The following MLLT3 variants were observed in gnomAD, a reference collection of about 807,000 sequenced individuals.
MLLT3 encodes the protein MLLT3 super elongation complex subunit, also known as protein AF-9.
A neutral mutation model predicts 53.2 loss-of-function variants in MLLT3; 4 were observed. The ratio of observed to expected loss-of-function variants is 0.08; its 90% CI spans 0.04 to 0.17. The LOEUF (loss-of-function observed/expected upper bound fraction) is 0.17. MLLT3 is among the 10% of genes least tolerant of loss of function. The pLI, the probability that MLLT3 is intolerant of heterozygous loss-of-function variation, is 1.00. For synonymous variants in MLLT3, 283 were observed against 230.6 expected, an observed-to-expected ratio of 1.23 and a Z score of -2.06; for missense variants, 569 against 684.0, an observed-to-expected ratio of 0.83 and a Z score of 1.87.
At chr9:20,592,962 G>C (rs548697602) in intron 2 of MLLT3, among the ~76,000 whole-genome samples, 5 of 152,256 alleles carry the variant, frequency 3.3e-5, no homozygotes, top group South Asian at 2.1e-4. Flanking sequence ...GAGAAGGCAA[G>C]GGCAGGTGGA....
At position 20,620,597 on chromosome 9, in the gene MLLT3, C is replaced by A; in HGVS notation, c.193+57G>T. 6.5e-7 allele frequency: 1 copy of A among 1,530,078 alleles called. No individual in the cohort carries two copies. The highest frequency in any genetic ancestry group is 1.8e-5 in the Admixed American group (1 of 55,820). 94.8% of individuals were successfully genotyped at this position (1,530,078 alleles called of 1,614,324 possible). On this transcript the variant is annotated intron_variant, in intron 2 of 10. Transcript: ENST00000380338. The surrounding 1 kb of genome is among the most constrained non-coding windows in gnomAD (Gnocchi z 6.1). ...GAGCGGGACAGCGGGACCGCCCGGG[C>A]CAAGCGATTGTTTCAAAGACATTTT... is the stretch of plus-strand genomic sequence containing the variant.
Position 20,436,337 on chromosome 9 carries a change from G to A in MLLT3, c.420+11786C>T, listed in dbSNP as rs191752462. Among the ~76,000 whole-genome samples, 15 of 152,234 alleles carry A rather than the reference G, an allele frequency of 9.9e-5. No individual in the cohort carries two copies. In the East Asian group the frequency reaches 1.7e-3, roughly 18 times the overall value. On this transcript the variant is annotated intron_variant, in intron 4 of 10. Coordinates refer to ENST00000380338, the MANE Select transcript of MLLT3 (RefSeq NM_004529.4). The stretch of plus-strand genomic sequence containing the variant: ...GTTGATGCTGGCTTTAAAAAGTTTA[G>A]GGGAAAGGGATTTCTAATTATCATA...
intron 2 of MLLT3, among the ~76,000 whole-genome samples, chr9:20,541,345 C>T (rs1411666908): frequency 6.6e-6 from 1 of 152,182 alleles, no homozygotes; most frequent in Non-Finnish European, 1.5e-5. Context: ...TGCCACACTA[C>T]CAGTACCAAT....
intron 2 of MLLT3, among the ~76,000 whole-genome samples, chr9:20,498,312 C>A (rs995238484): frequency 7.6e-6 from 1 of 131,306 alleles, no homozygotes; most frequent in Non-Finnish European, 1.6e-5. Flanking sequence ...TGTGGTCAGT[C>A]TTTTAAATTT....
At chr9:20,347,330 T>A (rs1820902349) in intron 10 of MLLT3, among the ~76,000 whole-genome samples, 1 of 152,192 alleles carries the variant, frequency 6.6e-6, no homozygotes, top group Admixed American at 6.5e-5. Context: ...CCCCTGAATA[T>A]TTTGGGGAGA....
chr9:20,611,755 T>C (rs1427930916), intron 2 of MLLT3, among the ~76,000 whole-genome samples: 1 of 152,184 alleles, frequency 6.6e-6, no homozygotes, highest in Non-Finnish European at 1.5e-5. Context: ...TTAGAAATTC[T>C]ATCGTAATAG....
intron 4 of MLLT3, among the ~76,000 whole-genome samples, chr9:20,418,072 T>A (rs533700283): frequency 6.6e-6 from 1 of 152,200 alleles, no homozygotes; most frequent in Non-Finnish European, 1.5e-5. Context: ...TATAGACAAA[T>A]AAACTCTCCC....
At chr9:20,463,655 C>G (rs1824166271) in intron 2 of MLLT3, among the ~76,000 whole-genome samples, 1 of 152,064 alleles carries the variant, frequency 6.6e-6, no homozygotes, top group African/African-American at 2.4e-5. Context: ...GCCTAGTGGA[C>G]ACAGATGTCC....
At chr9:20,492,573 C>G (rs1285474337) in intron 2 of MLLT3, among the ~76,000 whole-genome samples, 1 of 151,912 alleles carries the variant, frequency 6.6e-6, no homozygotes, top group East Asian at 1.9e-4. Context: ...CACATTAATT[C>G]TACCTAATTA....
rs557372084 is a variant in MLLT3 at position 20,523,573 on chromosome 9, T to C, written c.194-66787A>G. 2.0e-5 allele frequency among the ~76,000 whole-genome samples: 3 copies of C among 152,280 alleles called. No homozygotes were observed. The South Asian group carries it at 6.2e-4, about 32-fold the overall frequency. ...ATGAGCTATCAAGCCATGAGGAAACTGAAATGCATTTTACTAAATGAAAGA... is the reference window on the plus strand; with the variant it reads ...ATGAGCTATCAAGCCATGAGGAAACCGAAATGCATTTTACTAAATGAAAGA... On this transcript the variant is annotated intron_variant, in intron 2 of 10. Transcript: ENST00000380338.
chr9:20,532,872 A>T, intron 2 of MLLT3: 1 of 264,120 alleles, frequency 3.8e-6, no homozygotes, highest in South Asian at 5.3e-5. Flanking sequence ...ACCAGAGGCA[A>T]AGCAAGACAA....
intron 4 of MLLT3, among the ~76,000 whole-genome samples, chr9:20,437,461 A>T (rs1454287897): frequency 1.3e-5 from 2 of 152,198 alleles, no homozygotes; most frequent in Admixed American, 6.5e-5. Flanking sequence ...TTTCAGATAA[A>T]ATGATCCCAG....
intron 2 of MLLT3, among the ~76,000 whole-genome samples, chr9:20,536,579 A>G (rs779911931): frequency 1.3e-5 from 2 of 152,228 alleles, no homozygotes; most frequent in African/African-American, 2.4e-5. Context: ...CTGTAGCCAC[A>G]GTTAGCTTAG....
intron 4 of MLLT3, among the ~76,000 whole-genome samples, chr9:20,438,826 G>C (rs1823472336): frequency 6.6e-6 from 1 of 152,036 alleles, no homozygotes; most frequent in African/African-American, 2.4e-5. Context: ...TTCATGTAAA[G>C]GCTGATATTT....
intron 2 of MLLT3, among the ~76,000 whole-genome samples, chr9:20,485,821 G>T (rs1041105818): frequency 5.3e-5 from 8 of 151,788 alleles, no homozygotes; most frequent in African/African-American, 1.5e-4. Context: ...ACAAAACAGT[G>T]ATTTCTTACC....
intron 2 of MLLT3, among the ~76,000 whole-genome samples, chr9:20,477,690 C>T (rs1289858514): frequency 6.6e-6 from 1 of 152,168 alleles, no homozygotes; most frequent in African/African-American, 2.4e-5. Context: ...AAGGCTAGAG[C>T]TAGTGACCTT....
chr9:20,428,774 C>A (rs1409244896), intron 4 of MLLT3, among the ~76,000 whole-genome samples: 4 of 151,784 alleles, frequency 2.6e-5, no homozygotes, highest in African/African-American at 4.8e-5. Context: ...GGAGAGAAAG[C>A]GTAAATACAG....
chr9:20,537,362 A>G (rs1818515232), intron 2 of MLLT3, among the ~76,000 whole-genome samples: 1 of 152,242 alleles, frequency 6.6e-6, no homozygotes, highest in African/African-American at 2.4e-5. Context: ...TACAATTTAC[A>G]GAAAATGATG....
intron 5 of MLLT3, among the ~76,000 whole-genome samples, chr9:20,366,541 A>T (rs540313721): frequency 6.6e-6 from 1 of 152,260 alleles, no homozygotes; most frequent in African/African-American, 2.4e-5. Context: ...ATGATTTATA[A>T]TCCTTTGGGT....
Sources: allele counts gnomAD v4.1 joint callset (sites outside exome capture counted in the v4.1 genomes callset), GRCh38; gene constraint gnomAD v4.1.1; non-coding constraint Gnocchi (gnomAD v3.1); transcripts MANE v1.5; gene names NCBI Gene and HGNC (gene_info 2026-07-23, HGNC 2026-07-21).